PCDH9: variants seen among roughly 807,000 people sequenced by gnomAD.
The protein encoded by PCDH9 is protocadherin-9.
A neutral mutation model predicts 70.6 loss-of-function variants in PCDH9; 24 were observed. The observed-to-expected ratio is 0.34, with a 90% CI of 0.25 to 0.48. The LOEUF (loss-of-function observed/expected upper bound fraction) is 0.48, where lower values mean the gene tolerates loss of function less well. Among genes scored for constraint, PCDH9 ranks in the 20% least tolerant of loss-of-function variants. PCDH9 has a pLI of 0.99. For synonymous variants in PCDH9, 562 were observed against 558.5 expected, an observed-to-expected ratio of 1.01 and a Z score of -0.09; for missense variants, 1,281 against 1,503.6, an observed-to-expected ratio of 0.85 and a Z score of 2.45.
intron 4 of PCDH9, among the ~76,000 whole-genome samples, chr13:66,526,470 A>G (rs1301579418): frequency 6.6e-6 from 1 of 151,784 alleles, no homozygotes; most frequent in Admixed American, 6.6e-5. Context: ...CAGTCTTAAA[A>G]TCAATGTATT....
intron 2 of PCDH9, among the ~76,000 whole-genome samples, chr13:66,966,858 G>A (rs986264823): frequency 6.6e-6 from 1 of 151,858 alleles, no homozygotes; most frequent in Non-Finnish European, 1.5e-5. Flanking sequence ...GAAGAAAACT[G>A]GAAAATTATT....
At chr13:66,682,401 ATCTATCATCT>A (rs1280722545) in intron 3 of PCDH9, among the ~76,000 whole-genome samples, 50 of 146,350 alleles carry the variant, frequency 3.4e-4, no homozygotes, top group African/African-American at 6.6e-4. Context: ...TCTATCTATC[ATCTATCATCT>A]TCTTCTTTTT....
At chr13:66,802,588 A>T (rs887803230) in intron 3 of PCDH9, among the ~76,000 whole-genome samples, 2 of 152,108 alleles carry the variant, frequency 1.3e-5, no homozygotes, top group South Asian at 4.1e-4. Context: ...TGATATAAAA[A>T]ATGTACACTT....
At chr13:67,209,923 C>T (rs560024226) in intron 2 of PCDH9, 70 of 152,114 alleles carry the variant, frequency 4.6e-4, no homozygotes, top group African/African-American at 1.6e-3. Flanking sequence ...AATGAAGAAA[C>T]TGCCTATAAA....
chr13:67,164,943 A>T (rs997722625), intron 2 of PCDH9, among the ~76,000 whole-genome samples: 4 of 151,992 alleles, frequency 2.6e-5, no homozygotes, highest in Non-Finnish European at 4.4e-5. Flanking sequence ...ACGTTAATTC[A>T]TTTACCTGTT....
At chr13:66,867,544 G>GA (rs1234299350) in intron 3 of PCDH9, among the ~76,000 whole-genome samples, 3 of 151,928 alleles carry the variant, frequency 2.0e-5, no homozygotes, top group Non-Finnish European at 2.9e-5. Context: ...GAATAGCTAT[G>GA]AAAAAAACCT....
chr13:67,199,851 G>T (rs77310416), intron 2 of PCDH9, among the ~76,000 whole-genome samples: 1,885 of 152,076 alleles, frequency 0.012, 40 homozygotes, highest in African/African-American at 0.043. Flanking sequence ...GTGAAAACAT[G>T]CTCTGTTTTG....
intron 4 of PCDH9, among the ~76,000 whole-genome samples, chr13:66,596,975 G>A (rs561232409): frequency 5.3e-5 from 8 of 151,054 alleles, no homozygotes; most frequent in African/African-American, 1.7e-4. Flanking sequence ...CGTTAGGTAG[G>A]GGTCATATTT....
At chr13:66,825,211 T>TTTC (rs202072451) in intron 3 of PCDH9, 2 of 151,530 alleles carry the variant, frequency 1.3e-5, no homozygotes, top group Non-Finnish European at 2.9e-5. Context: ...ATATATATTT[T>TTTC]TTCTTCTTCT....
intron 3 of PCDH9, among the ~76,000 whole-genome samples, chr13:66,773,053 AC>A (rs1252246471): frequency 6.6e-6 from 1 of 152,206 alleles, no homozygotes; most frequent in Non-Finnish European, 1.5e-5. Context: ...GTGGAATTTT[AC>A]TTTTTATAAT....
intron 3 of PCDH9, among the ~76,000 whole-genome samples, chr13:66,753,143 T>G (rs574384479): frequency 2.2e-4 from 33 of 152,330 alleles, no homozygotes; most frequent in Non-Finnish European, 4.0e-4. Flanking sequence ...TCTATTGAAA[T>G]AATTTATATT....
At chr13:67,215,248 A>C (rs2089575407) in intron 2 of PCDH9, 1 of 151,882 alleles carries the variant, frequency 6.6e-6, no homozygotes, top group Admixed American at 6.6e-5. Context: ...ATTAGACACC[A>C]AGTTTATCTT....
chr13:66,998,754 T>G (rs937379650), intron 2 of PCDH9, among the ~76,000 whole-genome samples: 8 of 152,212 alleles, frequency 5.3e-5, no homozygotes, highest in South Asian at 2.1e-4. Flanking sequence ...TCAGTTCAGT[T>G]TCTCATCAAT....
chr13:66,399,905 AAGTG>A (rs1957159631), intron 4 of PCDH9, among the ~76,000 whole-genome samples: 3 of 152,262 alleles, frequency 2.0e-5, no homozygotes, highest in Admixed American at 6.5e-5. Flanking sequence ...AAGTGGGAAA[AAGTG>A]AGAATCAGAC....
chr13:66,742,547 T>C (rs1389541863), intron 3 of PCDH9, among the ~76,000 whole-genome samples: 4 of 145,698 alleles, frequency 2.7e-5, no homozygotes, highest in Non-Finnish European at 4.5e-5. Context: ...ACCATCAGAG[T>C]GAACAGGTAA....
intron 2 of PCDH9, among the ~76,000 whole-genome samples, chr13:67,062,642 A>G (rs1275729264): frequency 6.6e-6 from 1 of 152,188 alleles, no homozygotes; most frequent in African/African-American, 2.4e-5. Flanking sequence ...TTAAAGAACT[A>G]TTCCTTTGCT....
chr13:66,421,786 G>T (rs1256175903), intron 4 of PCDH9, among the ~76,000 whole-genome samples: 3 of 152,120 alleles, frequency 2.0e-5, no homozygotes, highest in Non-Finnish European at 4.4e-5. Flanking sequence ...GCATCATAAC[G>T]ACAGGATCAA....
intron 2 of PCDH9, among the ~76,000 whole-genome samples, chr13:66,986,795 T>C (rs919381051): frequency 1.3e-5 from 2 of 151,980 alleles, no homozygotes; most frequent in Non-Finnish European, 2.9e-5. Flanking sequence ...AGATGATTGT[T>C]TCATTTTCAA....
intron 2 of PCDH9, among the ~76,000 whole-genome samples, chr13:67,183,980 A>G (rs1207633131): frequency 6.6e-6 from 1 of 152,220 alleles, no homozygotes; most frequent in East Asian, 1.9e-4. Flanking sequence ...AAATCGTCCT[A>G]TGATCATTCA....
Sources: gnomAD v4.1 joint callset for allele counts (sites outside exome capture counted in the v4.1 genomes callset) on GRCh38, gnomAD v4.1.1 for gene constraint, MANE v1.5 for transcripts, NCBI Gene and HGNC (gene_info 2026-07-23, HGNC 2026-07-21) for gene names.